Variants in PHEX observed in about 807,000 individuals in gnomAD.
PHEX encodes the protein phosphate regulating endopeptidase X-linked.
In PHEX, 16 loss-of-function variants were observed where a neutral mutation model predicts 68.0. That is an observed-to-expected ratio of 0.24 (90% CI 0.16 to 0.36). The LOEUF (loss-of-function observed/expected upper bound fraction) is 0.36. PHEX is among the 10% of genes least tolerant of loss of function. The pLI, the probability that PHEX is intolerant of heterozygous loss-of-function variation, is 1.00. For missense variants in PHEX, 480 were observed against 575.5 expected, an observed-to-expected ratio of 0.83 and a Z score of 1.70; for synonymous variants, 208 against 205.1, an observed-to-expected ratio of 1.01 and a Z score of -0.12.
intron 9 of PHEX, among the ~76,000 whole-genome samples, chrX:22,109,047 T>C (rs781132258): frequency 1.2e-4 from 13 of 111,757 alleles, no homozygotes; most frequent in Non-Finnish European, 2.3e-4. Flanking sequence ...ACAAGTGGCT[T>C]AAAAATTCTT....
intron 12 of PHEX, among the ~76,000 whole-genome samples, chrX:22,153,037 G>A (rs924712265): frequency 3.6e-4 from 39 of 108,686 alleles, no homozygotes; most frequent in Non-Finnish European, 1.3e-4. Context: ...TGTCACCTAG[G>A]CTGGAGTGCA....
chrX:22,178,144 A>G lies in PHEX; in HGVS notation c.1483-129A>G. On this transcript the variant is annotated intron_variant, in intron 13 of 21. Coordinates refer to ENST00000379374, the MANE Select transcript of PHEX (RefSeq NM_000444.6). ...GGCTTTGTGACTTCTGGGTCAACTGATAACAGCTGAGAGAGGCTGTGACTG... is the reference window on the plus strand; with the variant it reads ...GGCTTTGTGACTTCTGGGTCAACTGGTAACAGCTGAGAGAGGCTGTGACTG... 1.4e-5 allele frequency: 6 copies of G among 426,130 alleles called. No homozygotes were observed. The Admixed American group carries it at 1.5e-4, about 11-fold the overall frequency. The allele number at this position is 426,130 out of a possible 1,213,427, so 35.1% of individuals were successfully genotyped here.
At position 22,232,596 on chromosome X, in the gene PHEX, C is replaced by CTTT. The variant is rs745474280; in HGVS notation, c.2070+5013_2070+5015dup. Among the ~76,000 whole-genome samples, 16 of 18,538 alleles carry CTTT rather than the reference C, an allele frequency of 8.6e-4. 1 individual carries two copies. The highest frequency in any genetic ancestry group is 1.0e-3 in the Non-Finnish European group (10 of 9,726). 16.1% of individuals were successfully genotyped at this position (18,538 alleles called of 115,157 possible). ...TCAGAGATTAGGATTGCCACTTCTG[C>CTTT]TTTTTTTTTTTTTTTTTTTTTTTTT... On this transcript the variant is annotated intron_variant, in intron 20 of 21. Transcript: ENST00000379374.
intron 14 of PHEX, among the ~76,000 whole-genome samples, chrX:22,185,155 AATTTCTAT>A (rs1189186444): frequency 1.3e-4 from 14 of 111,864 alleles, no homozygotes; most frequent in African/African-American, 4.5e-4. Flanking sequence ...TGGGATTTGA[AATTTCTAT>A]GAGACCTCTC....
intron 2 of PHEX, among the ~76,000 whole-genome samples, chrX:22,038,953 G>A (rs2027824): frequency 0.34 from 37,280 of 110,458 alleles, 4,837 homozygotes; most frequent in Middle Eastern, 0.39. Context: ...ATAAATCCAC[G>A]CTTCCATTGT....
rs753067558 is a variant in PHEX at position 22,047,455 on chromosome X, G to A, written c.349+244G>A. ...GGTAATAGTAAATTCTACTGCCAAAGGATAAAGAGCATTTGATTGAGATTG... is the reference window on the plus strand; with the variant it reads ...GGTAATAGTAAATTCTACTGCCAAAAGATAAAGAGCATTTGATTGAGATTG... On this transcript the variant is annotated intron_variant, in intron 3 of 21. Transcript: ENST00000379374. Among the ~76,000 whole-genome samples, 7 of 112,168 alleles carry A rather than the reference G, an allele frequency of 6.2e-5. No individual in the cohort carries two copies. In the East Asian group the frequency reaches 1.9e-3, roughly 31 times the overall value.
At chrX:22,038,788 T>C (rs1927140766) in intron 2 of PHEX, among the ~76,000 whole-genome samples, 1 of 111,775 alleles carries the variant, frequency 8.9e-6, no homozygotes, top group South Asian at 3.7e-4. Flanking sequence ...GGAAGGGGCT[T>C]GGAAGGCTGA....
intron 15 of PHEX, among the ~76,000 whole-genome samples, chrX:22,198,755 T>G (rs1189650712): frequency 1.8e-5 from 2 of 111,334 alleles, no homozygotes. Flanking sequence ...AGGGAGCTAG[T>G]ATAGTTTTTT....
chrX:22,193,004 A>C (rs60109225), intron 15 of PHEX, among the ~76,000 whole-genome samples: 3,746 of 111,007 alleles, frequency 0.034, 154 homozygotes, highest in African/African-American at 0.11. Context: ...TAATTTACAT[A>C]ACCAAGTAAG....
intron 5 of PHEX, among the ~76,000 whole-genome samples, chrX:22,083,771 A>G (rs766035713): frequency 3.6e-5 from 4 of 112,097 alleles, no homozygotes; most frequent in East Asian, 2.8e-4. Flanking sequence ...AGATCATGTT[A>G]TCTCTGTACA....
chrX:22,182,426 G>C (rs1176592260), intron 14 of PHEX, among the ~76,000 whole-genome samples: 1 of 111,443 alleles, frequency 9.0e-6, no homozygotes, highest in Non-Finnish European at 1.9e-5. Context: ...AAGCGCAGAG[G>C]TTTTTCTCTC....
intron 7 of PHEX, among the ~76,000 whole-genome samples, chrX:22,095,904 C>T (rs1930114336): frequency 8.9e-6 from 1 of 112,016 alleles, no homozygotes; most frequent in Admixed American, 9.5e-5. Flanking sequence ...TAATTACAAC[C>T]AGGGAAGCAT....
At chrX:22,060,154 C>A (rs865962850) in intron 3 of PHEX, among the ~76,000 whole-genome samples, 409 of 69,084 alleles carry the variant, frequency 5.9e-3, no homozygotes, top group Admixed American at 7.9e-3. Flanking sequence ...AGCCCTGTCT[C>A]AAAAAAAAAA....
At chrX:22,122,360 A>G (rs955925693) in intron 11 of PHEX, among the ~76,000 whole-genome samples, 5 of 111,415 alleles carry the variant, frequency 4.5e-5, no homozygotes, top group Non-Finnish European at 9.4e-5. Context: ...CTTTCCAGAG[A>G]AACTTTGCTG....
intron 16 of PHEX, among the ~76,000 whole-genome samples, chrX:22,214,526 A>T (rs148707068): frequency 2.7e-3 from 302 of 112,252 alleles, no homozygotes; most frequent in African/African-American, 9.0e-3. Flanking sequence ...ACTGGAGCTC[A>T]GTCTTGCTGG....
intron 12 of PHEX, among the ~76,000 whole-genome samples, chrX:22,156,477 C>T (rs187931928): frequency 9.2e-6 from 1 of 108,905 alleles, no homozygotes; most frequent in Admixed American, 1.0e-4. Context: ...CAGATACCTT[C>T]AGCTCAAAAT....
At chrX:22,065,313 T>C (rs1203324749) in intron 3 of PHEX, among the ~76,000 whole-genome samples, 1 of 112,608 alleles carries the variant, frequency 8.9e-6, no homozygotes, top group Non-Finnish European at 1.9e-5. Flanking sequence ...TTTACCTATG[T>C]CACTAGGCAG....
At chrX:22,129,097 T>C (rs1276896969) in intron 11 of PHEX, among the ~76,000 whole-genome samples, 1 of 110,992 alleles carries the variant, frequency 9.0e-6, no homozygotes, top group Non-Finnish European at 1.9e-5. Flanking sequence ...TGCATGTACT[T>C]CCTATGATCT....
At chrX:22,036,731 CTTTT>C (rs11291706) in intron 1 of PHEX, among the ~76,000 whole-genome samples, 4 of 97,497 alleles carry the variant, frequency 4.1e-5, no homozygotes, top group Admixed American at 1.1e-4. Context: ...TTTTACATAA[CTTTT>C]TTTTTTTTTT....
Sources: allele counts gnomAD v4.1 joint callset (sites outside exome capture counted in the v4.1 genomes callset), GRCh38; gene constraint gnomAD v4.1.1; transcripts MANE v1.5; gene names NCBI Gene and HGNC (gene_info 2026-07-23, HGNC 2026-07-21).